The following PCDH15 variants were observed in gnomAD, a reference collection of about 807,000 sequenced individuals.
PCDH15 encodes protocadherin-15.
In PCDH15, 129 loss-of-function variants were observed where a neutral mutation model predicts 178.5. The observed-to-expected ratio is 0.72, with a 90% CI of 0.63 to 0.84. PCDH15 has a LOEUF of 0.84. Among genes scored for constraint, PCDH15 ranks in the 40% least tolerant of loss-of-function variants. The pLI is 0.00. For synonymous variants in PCDH15, 800 were observed against 732.0 expected, an observed-to-expected ratio of 1.09 and a Z score of -1.50; for missense variants, 2,230 against 2,099.9, an observed-to-expected ratio of 1.06 and a Z score of -1.21.
At chr10:54,245,765 C>G (rs73252362) in intron 8 of PCDH15, among the ~76,000 whole-genome samples, 1 of 151,734 alleles carries the variant, frequency 6.6e-6, no homozygotes, top group African/African-American at 2.4e-5. Context: ...AAATCTATCA[C>G]TAGGTTTGAC....
chr10:55,350,108 G>A (rs1844871280), intron 2 of PCDH15, among the ~76,000 whole-genome samples: 1 of 151,072 alleles, frequency 6.6e-6, no homozygotes, highest in African/African-American at 2.4e-5. Flanking sequence ...ATGTTTTAGA[G>A]TATTGGTTCC....
intron 2 of PCDH15, among the ~76,000 whole-genome samples, chr10:55,490,172 G>A (rs1355085156): frequency 1.3e-5 from 2 of 151,708 alleles, no homozygotes; most frequent in Non-Finnish European, 2.9e-5. Context: ...CTGTCAGGAG[G>A]CAATTTAGCA....
At chr10:54,459,256 C>A (rs571636790) in intron 3 of PCDH15, among the ~76,000 whole-genome samples, 1 of 151,926 alleles carries the variant, frequency 6.6e-6, no homozygotes, top group African/African-American at 2.4e-5. Flanking sequence ...AACAAGAAGG[C>A]GAATAATTAT....
At chr10:54,109,279 T>A (rs1275348817) in intron 15 of PCDH15, among the ~76,000 whole-genome samples, 3 of 152,168 alleles carry the variant, frequency 2.0e-5, no homozygotes, top group Non-Finnish European at 4.4e-5. Flanking sequence ...CAGAGCTATC[T>A]GCACTCCGTG....
In PCDH15 at chr10:54,404,931, A is replaced by G. The variant is rs560598431; in HGVS notation, c.158-25989T>C. ...CCTAATCATTAGAGAAATCCAAGTC[A>G]AAACCACAATAAGATACCATCTCGC... On this transcript the variant is annotated intron_variant, in intron 3 of 37. Transcript: ENST00000644397. Among the ~76,000 whole-genome samples the G allele has an allele frequency of 3.3e-5, 5 of 152,250 alleles. No individual in the cohort carries two copies. The South Asian group carries it at 1.0e-3, about 32-fold the overall frequency.
chr10:54,222,025 T>C (rs2052883287), intron 9 of PCDH15, among the ~76,000 whole-genome samples: 1 of 152,228 alleles, frequency 6.6e-6, no homozygotes, highest in Admixed American at 6.5e-5. Context: ...TGTTATTCTA[T>C]TGTATGGATA....
intron 15 of PCDH15, among the ~76,000 whole-genome samples, chr10:54,099,513 A>AAAAAAAAAAAAAAAAAAATAT (rs1347306483): frequency 8.5e-6 from 1 of 117,932 alleles, no homozygotes; most frequent in Non-Finnish European, 1.6e-5. Flanking sequence ...AAAAAAAAAA[A>AAAAAAAAAAAAAAAAAAATAT]ATATATATAT....
intron 2 of PCDH15, among the ~76,000 whole-genome samples, chr10:54,926,700 A>T (rs1045710830): frequency 6.6e-6 from 1 of 152,046 alleles, no homozygotes; most frequent in African/African-American, 2.4e-5. Context: ...TGTGTTCAAA[A>T]ATCTATCCAT....
At chr10:54,401,153 T>A (rs914226229) in intron 3 of PCDH15, among the ~76,000 whole-genome samples, 2 of 151,992 alleles carry the variant, frequency 1.3e-5, no homozygotes, top group Non-Finnish European at 2.9e-5. Context: ...TGTAGATTCC[T>A]TTCACCTCTA....
At chr10:54,635,267 C>A (rs1041237020) in intron 2 of PCDH15, among the ~76,000 whole-genome samples, 1 of 151,398 alleles carries the variant, frequency 6.6e-6, no homozygotes, top group Non-Finnish European at 1.5e-5. Flanking sequence ...ATTTTAGAGA[C>A]CTATGTAAAA....
rs1338844664 is a variant in PCDH15 at position 55,499,447 on chromosome 10, AC to A, written c.-156+128177del. On this transcript the variant is annotated intron_variant, in intron 2 of 5. Coordinates refer to the PCDH15 transcript ENST00000613346. ...CACACACACACACACACACACACAC[AC>A]ACACAAATAATGTTGCATCTCTCAC... 1.1e-4 allele frequency among the ~76,000 whole-genome samples: 17 copies of A among 148,948 alleles called. No individual in the cohort carries two copies. The East Asian group carries it at 1.4e-3, about 12-fold the overall frequency.
chr10:54,916,498 C>G (rs1213001558), intron 2 of PCDH15, among the ~76,000 whole-genome samples: 1 of 152,126 alleles, frequency 6.6e-6, no homozygotes, highest in Non-Finnish European at 1.5e-5. Context: ...ATTGTTTGCT[C>G]TAAGTATAAA....
At chr10:53,923,642 T>C (rs923363483) in intron 25 of PCDH15, among the ~76,000 whole-genome samples, 1 of 152,202 alleles carries the variant, frequency 6.6e-6, no homozygotes, top group Admixed American at 6.5e-5. Context: ...TACAAGCCCT[T>C]TATTATTTAT....
intron 1 of PCDH15, among the ~76,000 whole-genome samples, chr10:55,173,559 C>A (rs183625551): frequency 6.2e-4 from 94 of 151,900 alleles, no homozygotes; most frequent in Non-Finnish European, 1.1e-3. Flanking sequence ...AGCTTTAATG[C>A]ATTTGCTTTT....
chr10:54,047,981 C>T (rs771260255), intron 18 of PCDH15, among the ~76,000 whole-genome samples: 1 of 152,266 alleles, frequency 6.6e-6, no homozygotes, highest in East Asian at 1.9e-4. Flanking sequence ...AGTTCAGCCA[C>T]TGCAGAAAGC....
At chr10:55,053,578 C>T (rs1300354943) in intron 2 of PCDH15, among the ~76,000 whole-genome samples, 4 of 152,162 alleles carry the variant, frequency 2.6e-5, no homozygotes, top group South Asian at 4.1e-4. Flanking sequence ...TGGGATCTAA[C>T]ATGGTGAGGC....
intron 21 of PCDH15, among the ~76,000 whole-genome samples, chr10:53,984,148 C>CTTTTTTTTTTT (rs66540462): frequency 9.4e-5 from 6 of 63,558 alleles, no homozygotes; most frequent in Admixed American, 2.0e-4. Context: ...TTTTTCTTTT[C>CTTTTTTTTTTT]TTTTTTTTTT....
chr10:53,957,494 A>C (rs1001283218), intron 23 of PCDH15, among the ~76,000 whole-genome samples: 8 of 115,830 alleles, frequency 6.9e-5, no homozygotes, highest in African/African-American at 2.5e-4. Context: ...CAAAGCCTAT[A>C]TTTACTATGT....
intron 21 of PCDH15, among the ~76,000 whole-genome samples, chr10:53,971,217 G>A (rs532389246): frequency 6.6e-6 from 1 of 152,182 alleles, no homozygotes; most frequent in African/African-American, 2.4e-5. Flanking sequence ...TGCAGAAAAG[G>A]CATTTGACAA....
Sources: allele counts gnomAD v4.1 joint callset (sites outside exome capture counted in the v4.1 genomes callset), GRCh38; gene constraint gnomAD v4.1.1; transcripts MANE v1.5; gene names NCBI Gene and HGNC (gene_info 2026-07-23, HGNC 2026-07-21).